The following CHN2 variants were observed in gnomAD, a reference collection of about 807,000 sequenced individuals.
CHN2 encodes the protein beta-chimaerin.
A neutral mutation model predicts 56.3 loss-of-function variants in CHN2; 35 were observed. The ratio of observed to expected loss-of-function variants is 0.62; its 90% confidence interval spans 0.47 to 0.82. The LOEUF is 0.82. Ranked by LOEUF, CHN2 falls within the 40% of genes least tolerant of loss-of-function variation. CHN2 has a pLI of 0.00. For synonymous variants in CHN2, 210 were observed against 212.8 expected, an observed-to-expected ratio of 0.99 and a Z score of 0.12; for missense variants, 491 against 580.5, an observed-to-expected ratio of 0.85 and a Z score of 1.58.
At chr7:29,331,220 C>T (rs1245040965) in intron 1 of CHN2, among the ~76,000 whole-genome samples, 1 of 152,190 alleles carries the variant, frequency 6.6e-6, no homozygotes, top group Non-Finnish European at 1.5e-5. Flanking sequence ...AAGGCACACT[C>T]AGCTGGGATG....
chr7:29,445,696 T>C (rs2128127127), intron 6 of CHN2, among the ~76,000 whole-genome samples: 1 of 152,238 alleles, frequency 6.6e-6, no homozygotes, highest in Admixed American at 6.5e-5. Flanking sequence ...TGGGGGTTCT[T>C]GTTTTTTTTT....
chr7:29,333,398 C>T (rs952556882), intron 1 of CHN2, among the ~76,000 whole-genome samples: 14 of 152,082 alleles, frequency 9.2e-5, no homozygotes, highest in African/African-American at 3.1e-4. Flanking sequence ...CAGAAAATGA[C>T]CATGCTTTGG....
At chr7:29,440,696 A>T (rs942929222) in intron 6 of CHN2, among the ~76,000 whole-genome samples, 12 of 128,052 alleles carry the variant, frequency 9.4e-5, no homozygotes, top group African/African-American at 3.4e-4. Context: ...AAAAAAAAAA[A>T]AAAAAAAAAA....
intron 2 of CHN2, among the ~76,000 whole-genome samples, chr7:29,177,117 C>T (rs952613032): frequency 2.0e-5 from 3 of 152,140 alleles, no homozygotes; most frequent in Non-Finnish European, 2.9e-5. Context: ...TGTCTTCTAG[C>T]ACAGAGACAC....
intron 6 of CHN2, among the ~76,000 whole-genome samples, chr7:29,408,776 T>G (rs972694310): frequency 2.4e-4 from 37 of 152,214 alleles, no homozygotes; most frequent in African/African-American, 8.4e-4. Context: ...TTCCTCAATA[T>G]CGGTGTTTTC....
chr7:29,321,776 G>C (rs187273555), intron 1 of CHN2, among the ~76,000 whole-genome samples: 3 of 152,006 alleles, frequency 2.0e-5, no homozygotes, highest in African/African-American at 4.8e-5. Context: ...CTCCATGTTG[G>C]TCAGGCTGGT....
chr7:29,188,486 G>A (rs1798985705), intron 2 of CHN2, among the ~76,000 whole-genome samples: 1 of 151,950 alleles, frequency 6.6e-6, no homozygotes, highest in Non-Finnish European at 1.5e-5. Context: ...CTCAGATATT[G>A]TGTCTGTTAG....
intron 1 of CHN2, among the ~76,000 whole-genome samples, chr7:29,297,630 A>C (rs1224520059): frequency 6.6e-6 from 1 of 152,214 alleles, no homozygotes; most frequent in African/African-American, 2.4e-5. Context: ...AGTAGTTTGC[A>C]CAGAGAGAGG....
chr7:29,322,820 G>A (rs2128895529), intron 1 of CHN2, among the ~76,000 whole-genome samples: 1 of 152,314 alleles, frequency 6.6e-6, no homozygotes, highest in East Asian at 1.9e-4. Flanking sequence ...ACAGCTTCTT[G>A]TAATGGGGAA....
At chr7:29,426,134 G>T (rs931723987) in intron 6 of CHN2, among the ~76,000 whole-genome samples, 1 of 150,790 alleles carries the variant, frequency 6.6e-6, no homozygotes, top group African/African-American at 2.4e-5. Context: ...GTTTGAGCTC[G>T]GGAGGTGGAG....
At chr7:29,438,818 AC>A (rs1783428073) in intron 6 of CHN2, among the ~76,000 whole-genome samples, 1 of 152,240 alleles carries the variant, frequency 6.6e-6, no homozygotes, top group East Asian at 1.9e-4. Flanking sequence ...GGTTGATTAA[AC>A]AACCTTTGTT....
rs1458187079 is a variant in CHN2, at chr7:29,146,607, A to G, written c.24A>G (p.Lys8=). ...ACATGACCCAGACCCACAGGGCAAA[A>G]AGTGCGTCGTCGTGTCCCAACCTCC... Residue 8 remains lysine, a synonymous_variant, in exon 1 of 7, where the codon AAA becomes AAG. Coordinates refer to the CHN2 transcript ENST00000439384. 3 of 1,550,256 alleles carry G rather than the reference A, an allele frequency of 1.9e-6. No homozygotes were observed. In the Admixed American group the frequency reaches 5.9e-5, roughly 30 times the overall value.
chr7:29,195,033 GC>G, intron 1 of CHN2, 43 bp downstream of exon 1: 2 of 1,565,090 alleles, frequency 1.3e-6, no homozygotes, highest in Non-Finnish European at 1.7e-6. Context: ...GCCGGGTCTC[GC>G]CCCACTGCCC....
chr7:29,429,766 A>C (rs1805223814), intron 6 of CHN2, among the ~76,000 whole-genome samples: 3 of 152,244 alleles, frequency 2.0e-5, no homozygotes. Flanking sequence ...TTGTGACTAG[A>C]TTAATTTTAG....
chr7:29,263,178 G>A (rs1245366454), intron 1 of CHN2, among the ~76,000 whole-genome samples: 4 of 152,188 alleles, frequency 2.6e-5, no homozygotes, highest in East Asian at 3.9e-4. Context: ...GCAGGCACGC[G>A]CCGCCACGCC....
intron 5 of CHN2, 183 bp from the exon 6 acceptor site, chr7:29,400,359 AG>A: frequency 1.6e-6 from 1 of 618,610 alleles, no homozygotes; most frequent in South Asian, 2.1e-5. Flanking sequence ...GCGGTAAGAC[AG>A]GCATAACCAT....
At chr7:29,253,523 G>A (rs547453452) in intron 1 of CHN2, among the ~76,000 whole-genome samples, 2 of 152,326 alleles carry the variant, frequency 1.3e-5, no homozygotes, top group Non-Finnish European at 2.9e-5. Context: ...TGTTTGTGAG[G>A]AAGCAGGGAA....
chr7:29,375,800 C>T (rs1175136184), intron 3 of CHN2, among the ~76,000 whole-genome samples: 1 of 152,130 alleles, frequency 6.6e-6, no homozygotes, highest in Non-Finnish European at 1.5e-5. Context: ...TGTCACACCT[C>T]CATAGGAGTT....
intron 1 of CHN2, among the ~76,000 whole-genome samples, chr7:29,225,386 A>G (rs1323039497): frequency 6.6e-6 from 1 of 152,172 alleles, no homozygotes; most frequent in Non-Finnish European, 1.5e-5. Flanking sequence ...TACGGACTCT[A>G]AAAGAAACAA....
Sources: allele counts gnomAD v4.1 joint callset (sites outside exome capture counted in the v4.1 genomes callset), GRCh38; gene constraint gnomAD v4.1.1; transcripts MANE v1.5; gene names NCBI Gene and HGNC (gene_info 2026-07-23, HGNC 2026-07-21).